ARHGAP15: variants seen among roughly 807,000 people sequenced by gnomAD.
The protein encoded by ARHGAP15 is Rho GTPase activating protein 15.
In ARHGAP15, 51 loss-of-function variants were observed where a neutral mutation model predicts 63.7. The observed-to-expected ratio is 0.80, with a 90% CI of 0.64 to 1.01. ARHGAP15 has a LOEUF of 1.01. Ranked by LOEUF, ARHGAP15 falls within the 50% of genes least tolerant of loss-of-function variation. ARHGAP15 has a pLI of 0.00. For synonymous variants in ARHGAP15, 191 were observed against 193.8 expected, an observed-to-expected ratio of 0.99 and a Z score of 0.12; for missense variants, 560 against 564.6, an observed-to-expected ratio of 0.99 and a Z score of 0.08.
intron 13 of ARHGAP15, among the ~76,000 whole-genome samples, chr2:143,751,298 C>A (rs1686363578): frequency 6.6e-6 from 1 of 152,160 alleles, no homozygotes; most frequent in South Asian, 2.1e-4. Flanking sequence ...CTCCAAGAGT[C>A]CCCTGGGGTG....
At chr2:143,582,436 A>G (rs1158757023) in intron 11 of ARHGAP15, among the ~76,000 whole-genome samples, 1 of 152,084 alleles carries the variant, frequency 6.6e-6, no homozygotes, top group East Asian at 1.9e-4. Context: ...TGATTATTAG[A>G]ATTATTCAAC....
chr2:143,262,725 C>G (rs1680790364), intron 6 of ARHGAP15, among the ~76,000 whole-genome samples: 1 of 151,878 alleles, frequency 6.6e-6, no homozygotes, highest in Admixed American at 6.6e-5. Context: ...TCAGCTATCC[C>G]CATGAATATA....
At position 143,436,387 on chromosome 2, in the gene ARHGAP15, A is replaced by G. The variant is rs562503777; in HGVS notation, c.574-526A>G. Among the ~76,000 whole-genome samples, 14 of 152,314 alleles carry G rather than the reference A, an allele frequency of 9.2e-5. No individual in the cohort carries two copies. The South Asian group carries it at 2.9e-3, about 32-fold the overall frequency. ...TCTTGATACTTAATTGCAAGCTTTCATTATACCATTTTGGGATTAACACTT... is the reference window on the plus strand; with the variant it reads ...TCTTGATACTTAATTGCAAGCTTTCGTTATACCATTTTGGGATTAACACTT... On this transcript the variant is annotated intron_variant, in intron 7 of 13. Coordinates refer to ENST00000295095, the MANE Select transcript of ARHGAP15 (RefSeq NM_018460.4).
intron 6 of ARHGAP15, among the ~76,000 whole-genome samples, chr2:143,410,326 G>C (rs1289060352): frequency 6.6e-6 from 1 of 152,064 alleles, no homozygotes. Context: ...CATGTGCATA[G>C]TAACAAATTC....
intron 12 of ARHGAP15, among the ~76,000 whole-genome samples, chr2:143,691,656 G>A (rs1683605969): frequency 6.6e-6 from 1 of 152,200 alleles, no homozygotes; most frequent in African/African-American, 2.4e-5. Flanking sequence ...AAATGGGAAT[G>A]AGTTGCATCT....
At chr2:143,437,249 G>C in intron 8 of ARHGAP15, 3 of 532,370 alleles carry the variant, frequency 5.6e-6, no homozygotes, top group Non-Finnish European at 9.8e-6. Flanking sequence ...GAAAATAATT[G>C]TTCCAAGGTC....
At position 143,491,220 on chromosome 2, in the gene ARHGAP15, C is replaced by T. The variant is rs75687647; in HGVS notation, c.826+3725C>T. On this transcript the variant is annotated intron_variant, in intron 9 of 13. Coordinates refer to ENST00000295095, the MANE Select transcript of ARHGAP15 (RefSeq NM_018460.4). ...TTAACATATAAATTATAGGCAAAAG[C>T]GTCCATTTTTGGGTGGTAGGAGTGT... is the stretch of plus-strand genomic sequence containing the variant. Among the ~76,000 whole-genome samples, 151 of 152,266 alleles carry T rather than the reference C, an allele frequency of 9.9e-4. 2 individuals are homozygous for T. In the East Asian group the frequency reaches 0.026, roughly 27 times the overall value.
At chr2:143,172,332 A>G (rs991026452) in intron 2 of ARHGAP15, among the ~76,000 whole-genome samples, 3 of 152,108 alleles carry the variant, frequency 2.0e-5, no homozygotes, top group Non-Finnish European at 2.9e-5. Flanking sequence ...CTCAGATCAC[A>G]CAGGGCTTTG....
intron 6 of ARHGAP15, among the ~76,000 whole-genome samples, chr2:143,393,944 C>T (rs181082423): frequency 1.3e-5 from 2 of 152,232 alleles, no homozygotes; most frequent in East Asian, 3.9e-4. Flanking sequence ...CATTGGCATT[C>T]TTATGAGCTG....
At chr2:143,613,433 T>C (rs1359654786) in intron 11 of ARHGAP15, among the ~76,000 whole-genome samples, 3 of 152,188 alleles carry the variant, frequency 2.0e-5, no homozygotes, top group Admixed American at 2.0e-4. Context: ...TTCCTTACAA[T>C]CAGCATGTGG....
chr2:143,243,307 G>A (rs775628200), intron 5 of ARHGAP15, among the ~76,000 whole-genome samples: 4 of 152,112 alleles, frequency 2.6e-5, no homozygotes, highest in African/African-American at 7.2e-5. Context: ...GAAGATAGAC[G>A]AAGAGAATAA....
chr2:143,385,237 A>G (rs181503831), intron 6 of ARHGAP15, among the ~76,000 whole-genome samples: 2 of 152,248 alleles, frequency 1.3e-5, no homozygotes, highest in Admixed American at 1.3e-4. Flanking sequence ...GTTATTTACA[A>G]TGATTGAGAA....
intron 8 of ARHGAP15, among the ~76,000 whole-genome samples, chr2:143,470,489 A>G (rs1191182928): frequency 6.6e-6 from 1 of 150,602 alleles, no homozygotes; most frequent in Non-Finnish European, 1.5e-5. Flanking sequence ...AAGAGTTTTC[A>G]TTTTTCTAAA....
chr2:143,143,757 A>G (rs538477403), intron 1 of ARHGAP15, among the ~76,000 whole-genome samples: 17 of 151,942 alleles, frequency 1.1e-4, no homozygotes, highest in African/African-American at 1.9e-4. Context: ...GGGCATTCCC[A>G]TACACTTTTT....
Position 143,397,650 on chromosome 2 carries a change from TAAC to T in ARHGAP15, c.475-37948_475-37946del, listed in dbSNP as rs1259369688. The stretch of plus-strand genomic sequence containing the variant: ...TTAACTTTTTTCATAAATAGCAATT[TAAC>T]AAAACCTAACACTTTAATGTGACAA... On this transcript the variant is annotated intron_variant, in intron 6 of 13. Coordinates refer to ENST00000295095, the MANE Select transcript of ARHGAP15 (RefSeq NM_018460.4). Among the ~76,000 whole-genome samples the T allele has an allele frequency of 4.5e-3, 684 of 152,174 alleles. 7 individuals are homozygous for T. The highest frequency in any genetic ancestry group is 0.016 in the African/African-American group (654 of 41,532).
intron 5 of ARHGAP15, among the ~76,000 whole-genome samples, chr2:143,242,582 A>G (rs893941984): frequency 2.0e-5 from 3 of 152,220 alleles, no homozygotes; most frequent in Non-Finnish European, 4.4e-5. Flanking sequence ...TCTAGTGCCC[A>G]CAATCACTAA....
intron 11 of ARHGAP15, among the ~76,000 whole-genome samples, chr2:143,616,045 A>G (rs951711482): frequency 4.6e-5 from 7 of 152,174 alleles, no homozygotes; most frequent in African/African-American, 1.7e-4. Context: ...CTGAAAGAAA[A>G]AAGTCTGTTC....
intron 3 of ARHGAP15, among the ~76,000 whole-genome samples, chr2:143,213,508 C>G (rs915795262): frequency 6.6e-6 from 1 of 151,654 alleles, no homozygotes; most frequent in Non-Finnish European, 1.5e-5. Flanking sequence ...AGCAAAACTC[C>G]GTCTCAAAAA....
chr2:143,262,535 A>ATTTTTTTT lies in ARHGAP15; in HGVS notation c.474+11952_474+11959dup, dbSNP rs67267617. 4.3e-3 allele frequency among the ~76,000 whole-genome samples: 390 copies of ATTTTTTTT among 90,874 alleles called. 10 individuals are homozygous for ATTTTTTTT. Among genetic ancestry groups the ATTTTTTTT allele is most frequent in the African/African-American group, 0.012 (252 of 21,314 alleles). 59.6% of individuals were successfully genotyped at this position (90,874 alleles called of 152,430 possible). A position where few individuals can be genotyped will look rare whatever the true frequency, so the allele number is the denominator to read the frequency against. ...TGTATATGCGGGGTCTGAACCTTTG[A>ATTTTTTTT]TTTTTTTTTTTTTTTTTTTTTTTTA... On this transcript the variant is annotated intron_variant, in intron 6 of 13. Coordinates refer to ENST00000295095, the MANE Select transcript of ARHGAP15 (RefSeq NM_018460.4).
Sources: gnomAD v4.1 joint callset for allele counts (sites outside exome capture counted in the v4.1 genomes callset) on GRCh38, gnomAD v4.1.1 for gene constraint, MANE v1.5 for transcripts, NCBI Gene and HGNC (gene_info 2026-07-23, HGNC 2026-07-21) for gene names.